The following PMS1 variants were observed in gnomAD, a reference collection of about 807,000 sequenced individuals.
PMS1 encodes PMS1 protein homolog 1.
PMS1 carries 79 observed loss-of-function variants against 93.1 expected under a neutral mutation model. The ratio of observed to expected loss-of-function variants is 0.85; its 90% CI spans 0.71 to 1.02. PMS1 has a LOEUF of 1.02. PMS1 is among the 50% of genes least tolerant of loss of function. The probability of loss-of-function intolerance (pLI) is 0.00; values close to 1 mark genes in which losing one functional copy is unlikely to be tolerated. For missense variants in PMS1, 1,064 were observed against 1,085.3 expected (o/e 0.98, Z 0.28); for synonymous variants, 335 against 363.4 (o/e 0.92, Z 0.89).
At chr2:189,840,583 A>T (rs2053741131) in intron 5 of PMS1, among the ~76,000 whole-genome samples, 1 of 152,164 alleles carries the variant, frequency 6.6e-6, no homozygotes, top group African/African-American at 2.4e-5. Flanking sequence ...GAAATTTAGG[A>T]TGGAGAAATA....
At chr2:189,807,404 T>A (rs781481619) in intron 4 of PMS1, among the ~76,000 whole-genome samples, 13 of 152,314 alleles carry the variant, frequency 8.5e-5, no homozygotes, top group Middle Eastern at 6.8e-3. Context: ...AAGGCATTTT[T>A]AAAATATGGC....
chr2:189,876,171 T>C (rs138796106), intron 12 of PMS1, among the ~76,000 whole-genome samples: 17 of 152,164 alleles, frequency 1.1e-4, no homozygotes, highest in African/African-American at 3.9e-4. Flanking sequence ...TTGAGAGAAG[T>C]CATGTTGATA....
intron 1 of PMS1, among the ~76,000 whole-genome samples, chr2:189,791,296 C>T (rs1359731312): frequency 6.6e-6 from 1 of 152,026 alleles, no homozygotes; most frequent in East Asian, 1.9e-4. Context: ...GTGATAATGG[C>T]ACCTATTTTC....
chr2:189,846,628 A>G (rs1427061612), intron 6 of PMS1, among the ~76,000 whole-genome samples: 1 of 151,886 alleles, frequency 6.6e-6, no homozygotes, highest in Non-Finnish European at 1.5e-5. Context: ...ACAGTGAGCT[A>G]TGATCATGCC....
chr2:189,872,672 G>T (rs5743178), intron 11 of PMS1, among the ~76,000 whole-genome samples: 3 of 151,956 alleles, frequency 2.0e-5, no homozygotes, highest in African/African-American at 2.4e-5. Flanking sequence ...TTGCTCTGTT[G>T]CCCAGGCTGG....
intron 4 of PMS1, among the ~76,000 whole-genome samples, chr2:189,811,035 TAAG>T (rs1181353089): frequency 6.7e-6 from 1 of 148,986 alleles, no homozygotes; most frequent in Non-Finnish European, 1.5e-5. Context: ...TCAAAACTGG[TAAG>T]AAGGTAGCAA....
At chr2:189,802,122 A>G (rs183796603) in intron 3 of PMS1, among the ~76,000 whole-genome samples, 8 of 152,274 alleles carry the variant, frequency 5.3e-5, no homozygotes, top group Admixed American at 4.6e-4. Flanking sequence ...CCACCATTTA[A>G]ATGGTTACAG....
intron 5 of PMS1, among the ~76,000 whole-genome samples, chr2:189,830,577 TCTC>T (rs1349836743): frequency 6.6e-6 from 1 of 152,232 alleles, no homozygotes; most frequent in Non-Finnish European, 1.5e-5. Flanking sequence ...ATTTATTCTC[TCTC>T]CTCCTCTAGA....
chr2:189,811,993 T>C (rs1235613967), intron 4 of PMS1, among the ~76,000 whole-genome samples: 1 of 152,210 alleles, frequency 6.6e-6, no homozygotes, highest in Non-Finnish European at 1.5e-5. Context: ...GAATGACATC[T>C]TTTAAGTTTT....
chr2:189,860,633 G>GGGAATT (rs1228959519), intron 9 of PMS1, among the ~76,000 whole-genome samples: 2 of 151,844 alleles, frequency 1.3e-5, no homozygotes, highest in Admixed American at 6.6e-5. Flanking sequence ...TCAATCTTTT[G>GGGAATT]AAAAGTAATG....
intron 4 of PMS1, chr2:189,806,810 G>A (rs2050388573): frequency 4.8e-6 from 1 of 206,528 alleles, no homozygotes; most frequent in African/African-American, 2.3e-5. Flanking sequence ...TCTAGTGATG[G>A]GATGATTAAG....
At chr2:189,798,110 C>T (rs2049523681) in intron 3 of PMS1, among the ~76,000 whole-genome samples, 1 of 152,140 alleles carries the variant, frequency 6.6e-6, no homozygotes, top group Non-Finnish European at 1.5e-5. Context: ...GTTGTTTATC[C>T]TCATCGTCAC....
intron 5 of PMS1, among the ~76,000 whole-genome samples, chr2:189,836,628 G>A (rs1194942787): frequency 1.3e-5 from 2 of 152,156 alleles, no homozygotes; most frequent in Non-Finnish European, 2.9e-5. Context: ...GTCCTGTTTT[G>A]AAAATGAATC....
chr2:189,859,504 G>GC (rs1266554105), intron 9 of PMS1, among the ~76,000 whole-genome samples: 1 of 152,140 alleles, frequency 6.6e-6, no homozygotes, highest in African/African-American at 2.4e-5. Flanking sequence ...GACAGCAGCT[G>GC]CCCAATCTCA....
At chr2:189,790,868 G>A (rs1029087677) in intron 1 of PMS1, among the ~76,000 whole-genome samples, 13 of 152,166 alleles carry the variant, frequency 8.5e-5, no homozygotes, top group African/African-American at 1.9e-4. Context: ...ATTTGAGTCA[G>A]GGTGAATGGA....
intron 3 of PMS1, among the ~76,000 whole-genome samples, chr2:189,801,402 TAG>T (rs1053712274): frequency 1.1e-4 from 16 of 152,194 alleles, no homozygotes; most frequent in Non-Finnish European, 1.6e-4. Context: ...TGGGTTGAAA[TAG>T]AGAGAGTGAA....
At chr2:189,822,791 A>G (rs2052049791) in intron 5 of PMS1, among the ~76,000 whole-genome samples, 1 of 152,224 alleles carries the variant, frequency 6.6e-6, no homozygotes, top group African/African-American at 2.4e-5. Context: ...GTTTCTATAA[A>G]AAGTTTGGAT....
intron 6 of PMS1, among the ~76,000 whole-genome samples, chr2:189,849,867 C>CTT (rs751444288): frequency 0.089 from 10,629 of 118,794 alleles, 946 homozygotes; most frequent in African/African-American, 0.22. Context: ...TATTTTTAAA[C>CTT]TTTTTTTTTT....
At chr2:189,801,367 A>G (rs1278689555) in intron 3 of PMS1, among the ~76,000 whole-genome samples, 1 of 152,242 alleles carries the variant, frequency 6.6e-6, no homozygotes, top group Non-Finnish European at 1.5e-5. Flanking sequence ...TTTAATTACT[A>G]GTACTAATTA....
Sources: allele counts gnomAD v4.1 joint callset (sites outside exome capture counted in the v4.1 genomes callset), GRCh38; gene constraint gnomAD v4.1.1; transcripts MANE v1.5; gene names NCBI Gene and HGNC (gene_info 2026-07-23, HGNC 2026-07-21).